The following RFPL1 variants were observed in gnomAD, a reference collection of about 807,000 sequenced individuals.
RFPL1 encodes the protein ret finger protein like 1, also known as ret finger protein-like 1.
RFPL1 carries 6 observed loss-of-function variants against 9.6 expected under a neutral mutation model. That is an observed-to-expected ratio of 0.62 (90% CI 0.34 to 1.23). RFPL1 has a LOEUF of 1.23. RFPL1 is among the 50% of genes most tolerant of loss of function. RFPL1 has a pLI of 0.03. For synonymous variants in RFPL1, 145 were observed against 149.4 expected, an observed-to-expected ratio of 0.97 and a Z score of 0.22; for missense variants, 352 against 398.4, an observed-to-expected ratio of 0.88 and a Z score of 0.99.
At chr22:29,441,424 G>T in intron 1 of RFPL1, 118 bp from the exon 2 acceptor site, 5 of 1,247,972 alleles carry the variant, frequency 4.0e-6, no homozygotes, top group Non-Finnish European at 4.4e-6. Flanking sequence ...TTTTGATTTT[G>T]GGGGAAGAAG....
chr22:29,416,993 A>C, the RFPL1 span, among the ~76,000 whole-genome samples: 1 of 152,120 alleles, frequency 6.6e-6, no homozygotes, highest in African/African-American at 2.4e-5. Flanking sequence ...ATCCCCTCTC[A>C]ATTCTTATGT....
the RFPL1 span, among the ~76,000 whole-genome samples, chr22:29,410,127 G>C: frequency 6.7e-6 from 1 of 150,226 alleles, no homozygotes; most frequent in Middle Eastern, 3.4e-3. Flanking sequence ...TGTGCCAACA[G>C]GGCCCAGCAT....
exon 2 of RFPL1, chr22:29,441,660 C>T (rs373256620): frequency 1.7e-5 from 28 of 1,613,802 alleles, no homozygotes; most frequent in African/African-American, 1.3e-4. Flanking sequence ...AGAGATTTGA[C>T]GTGTCCATTT....
the RFPL1 span, among the ~76,000 whole-genome samples, chr22:29,404,253 T>A: frequency 6.6e-6 from 1 of 152,244 alleles, no homozygotes; most frequent in East Asian, 1.9e-4. Context: ...TGCTGACCTG[T>A]GACTGTTTTC....
chr22:29,391,676 T>G, the RFPL1 span, among the ~76,000 whole-genome samples: 13 of 152,174 alleles, frequency 8.5e-5, no homozygotes, highest in Non-Finnish European at 1.5e-5. Context: ...GCATTTGCGC[T>G]GTCTTGCCGA....
At chr22:29,422,265 G>A in the RFPL1 span, among the ~76,000 whole-genome samples, 2 of 152,188 alleles carry the variant, frequency 1.3e-5, no homozygotes, top group Non-Finnish European at 2.9e-5. Context: ...CCAACATGGT[G>A]AAACCCCATC....
rs1483319742 is a variant in RFPL1 at position 29,441,928 on chromosome 22, C to A, written c.760C>A (p.Gln254Lys). ...GGGGATTTTTCTGGATATGGGCATGCAGAACGTTTCCTTTTTTGATGCTGA... is the reference window on the plus strand; with the variant it reads ...GGGGATTTTTCTGGATATGGGCATGAAGAACGTTTCCTTTTTTGATGCTGA... The change falls in exon 2 of 2, where the codon CAG becomes AAG. Residue 254 changes from glutamine (Q) to lysine (K), a missense_variant. Transcript: ENST00000354373. 10 of 1,613,120 alleles carry A rather than the reference C, an allele frequency of 6.2e-6. No individual in the cohort carries two copies. The East Asian group carries it at 2.2e-4, about 36-fold the overall frequency.
the RFPL1 span, among the ~76,000 whole-genome samples, chr22:29,389,663 G>A: frequency 1.5e-3 from 225 of 145,600 alleles, no homozygotes; most frequent in African/African-American, 5.5e-3. Context: ...TCCAGCCTGG[G>A]CGACAGAGCA....
chr22:29,390,617 A>G, the RFPL1 span, among the ~76,000 whole-genome samples: 3,645 of 108,658 alleles, frequency 0.034, 131 homozygotes, highest in African/African-American at 0.16. Flanking sequence ...TTTATTTTAG[A>G]CGGAGCCTCG....
chr22:29,397,707 A>G, the RFPL1 span, among the ~76,000 whole-genome samples: 1 of 152,156 alleles, frequency 6.6e-6, no homozygotes, highest in African/African-American at 2.4e-5. Flanking sequence ...CTATTGGGAT[A>G]GGGTTACATG....
chr22:29,409,626 G>A, the RFPL1 span, among the ~76,000 whole-genome samples: 123 of 152,320 alleles, frequency 8.1e-4, no homozygotes, highest in African/African-American at 2.8e-3. Context: ...AAGACCTCAT[G>A]ACACCGGAGA....
chr22:29,394,858 G>A, the RFPL1 span, among the ~76,000 whole-genome samples: 6 of 152,266 alleles, frequency 3.9e-5, 1 homozygote, highest in South Asian at 6.2e-4. Flanking sequence ...TGGGCCTAGC[G>A]GAGAGTCAAG....
chr22:29,405,243 C>G, the RFPL1 span, among the ~76,000 whole-genome samples: 129 of 152,246 alleles, frequency 8.5e-4, no homozygotes, highest in African/African-American at 3.0e-3. Flanking sequence ...GCAGGGAAAG[C>G]AGAAGCAAGG....
At chr22:29,397,063 G>A in the RFPL1 span, among the ~76,000 whole-genome samples, 17 of 151,550 alleles carry the variant, frequency 1.1e-4, no homozygotes, top group African/African-American at 2.7e-4. Flanking sequence ...GCCTGCCACC[G>A]CGCCCGGCTA....
At chr22:29,407,149 A>C in the RFPL1 span, among the ~76,000 whole-genome samples, 1 of 151,372 alleles carries the variant, frequency 6.6e-6, no homozygotes, top group Non-Finnish European at 1.5e-5. Context: ...CCAGGAGTGC[A>C]TTGGTGCAAT....
upstream of RFPL1, among the ~76,000 whole-genome samples, chr22:29,436,122 A>G (rs73881516): frequency 7.3e-3 from 1,097 of 150,710 alleles, 16 homozygotes; most frequent in African/African-American, 0.025. Context: ...AATGGGCTTT[A>G]GTGGAGGCTG....
the RFPL1 span, chr22:29,419,087 T>G: frequency 1.1e-6 from 1 of 881,494 alleles, no homozygotes; most frequent in African/African-American, 1.6e-5. Context: ...GAGACTGAAG[T>G]GGACCCAAGC....
the RFPL1 span, among the ~76,000 whole-genome samples, chr22:29,405,751 T>C: frequency 1.3e-5 from 2 of 152,146 alleles, no homozygotes; most frequent in African/African-American, 2.4e-5. Flanking sequence ...ATTCATTGAA[T>C]TGGAAAATAC....
intron 1 of RFPL1, chr22:29,439,434 C>T: frequency 2.2e-5 from 11 of 509,880 alleles, no homozygotes; most frequent in Middle Eastern, 5.3e-4. Flanking sequence ...GAGATCGGGA[C>T]CATCCTGGAT....
Sources: gnomAD v4.1 joint callset for allele counts (sites outside exome capture counted in the v4.1 genomes callset) on GRCh38, gnomAD v4.1.1 for gene constraint, MANE v1.5 for transcripts, NCBI Gene and HGNC (gene_info 2026-07-23, HGNC 2026-07-21) for gene names.